PRDM6: variants seen among roughly 807,000 people sequenced by gnomAD.
The protein encoded by PRDM6 is putative histone-lysine N-methyltransferase PRDM6.
PRDM6 carries 25 observed loss-of-function variants against 60.8 expected under a neutral mutation model. That is an observed-to-expected ratio of 0.41 (90% CI 0.30 to 0.57). The LOEUF (loss-of-function observed/expected upper bound fraction) is 0.57. Among genes scored for constraint, PRDM6 ranks in the 20% least tolerant of loss-of-function variants. PRDM6 has a pLI of 0.27. For missense variants in PRDM6, 839 were observed against 821.3 expected (o/e 1.02, Z -0.26); for synonymous variants, 407 against 357.4 (o/e 1.14, Z -1.57).
intron 3 of PRDM6, among the ~76,000 whole-genome samples, chr5:123,134,753 G>A (rs981951565): frequency 1.3e-5 from 2 of 152,142 alleles, no homozygotes; most frequent in East Asian, 1.9e-4. Context: ...TAAACAGTGT[G>A]TGGTTTAGCT....
intron 3 of PRDM6, among the ~76,000 whole-genome samples, chr5:123,119,271 A>G (rs1247187937): frequency 6.6e-6 from 1 of 152,254 alleles, no homozygotes; most frequent in Non-Finnish European, 1.5e-5. Flanking sequence ...GAGTAGGGAA[A>G]AAACAAGATG....
intron 3 of PRDM6, among the ~76,000 whole-genome samples, chr5:123,143,832 A>G (rs1216440375): frequency 3.3e-5 from 5 of 152,190 alleles, no homozygotes; most frequent in Non-Finnish European, 7.3e-5. Context: ...TTAACAACTT[A>G]ATGCTTTTAA....
At chr5:123,174,111 G>GTT (rs904755353) in intron 6 of PRDM6, among the ~76,000 whole-genome samples, 8 of 152,204 alleles carry the variant, frequency 5.3e-5, no homozygotes, top group Non-Finnish European at 1.5e-5. Context: ...GATTTGGGAT[G>GTT]TTTGCATTAT....
At chr5:123,174,143 A>G (rs1453881101) in intron 6 of PRDM6, among the ~76,000 whole-genome samples, 3 of 152,194 alleles carry the variant, frequency 2.0e-5, no homozygotes, top group African/African-American at 7.2e-5. Context: ...TAGCATGCCA[A>G]ATCTGAAAAT....
intron 3 of PRDM6, among the ~76,000 whole-genome samples, chr5:123,138,643 G>T (rs1765025786): frequency 6.6e-6 from 1 of 152,108 alleles, no homozygotes; most frequent in Non-Finnish European, 1.5e-5. Context: ...TGGTAAATTT[G>T]GATTTTTATA....
At chr5:123,146,727 T>C (rs1489823150) in intron 3 of PRDM6, among the ~76,000 whole-genome samples, 1 of 152,208 alleles carries the variant, frequency 6.6e-6, no homozygotes, top group Non-Finnish European at 1.5e-5. Flanking sequence ...TGCCAAGGGC[T>C]GAGGTCTAGT....
At chr5:123,125,618 A>ATAC in intron 3 of PRDM6, among the ~76,000 whole-genome samples, 1 of 152,346 alleles carries the variant, frequency 6.6e-6, no homozygotes. Flanking sequence ...GTAAGCAAGG[A>ATAC]TACTCTTGGC....
rs1345249931 is a variant in PRDM6, at chr5:123,099,606, G to A, written c.593-48G>A. 2.8e-6 allele frequency: 4 copies of A among 1,411,368 alleles called. 1 individual carries two copies. The Admixed American group carries it at 1.2e-4, about 43-fold the overall frequency. 87.4% of individuals were successfully genotyped at this position (1,411,368 alleles called of 1,614,324 possible). A position where few individuals can be genotyped will look rare whatever the true frequency, so the allele number is the denominator to read the frequency against. On this transcript the variant is annotated intron_variant, in intron 2 of 7. Transcript: ENST00000407847. This position sits in a 1 kb window ranked among gnomAD's most constrained non-coding sequence, Gnocchi z 4.0. ...TACTCAAAGATGGGCCGCTCGGGGC[G>A]GCCGGATTAACCCGCTCCCTTCCCT... is the stretch of plus-strand genomic sequence containing the variant.
At chr5:123,128,564 CTTCTT>C (rs1230015158) in intron 3 of PRDM6, among the ~76,000 whole-genome samples, 1 of 152,166 alleles carries the variant, frequency 6.6e-6, no homozygotes, top group Non-Finnish European at 1.5e-5. Flanking sequence ...GCATAAATGT[CTTCTT>C]TTGAGAAGTG....
intron 3 of PRDM6, among the ~76,000 whole-genome samples, chr5:123,144,335 G>T (rs982307514): frequency 6.6e-6 from 1 of 152,192 alleles, no homozygotes; most frequent in Non-Finnish European, 1.5e-5. Flanking sequence ...ACACATTTTC[G>T]AATTCCTTTA....
Position 123,192,465 on chromosome 5 carries a change from A to T in PRDM6, c.*5264A>T, listed in dbSNP as rs1324202161. 6.6e-6 allele frequency: 1 copy of T among 151,334 alleles called. No individual in the cohort carries two copies. Among genetic ancestry groups the T allele is most frequent in the Non-Finnish European group, 1.5e-5 (1 of 67,720 alleles). 9.4% of individuals were successfully genotyped at this position (151,334 alleles called of 1,614,324 possible). A position where few individuals can be genotyped will look rare whatever the true frequency, so the allele number is the denominator to read the frequency against. On this transcript the variant is annotated 3_prime_UTR_variant, in exon 8 of 8. Coordinates refer to ENST00000407847, the MANE Select transcript of PRDM6 (RefSeq NM_001136239.4). Reference sequence around the variant, plus strand: ...TTTATAAAATGTGTTTGTGGAAACAATACTGAAGTGCTATTAAAACACGTA... The same window carrying T: ...TTTATAAAATGTGTTTGTGGAAACATTACTGAAGTGCTATTAAAACACGTA...
intron 3 of PRDM6, among the ~76,000 whole-genome samples, chr5:123,107,548 A>G (rs759088403): frequency 6.6e-6 from 1 of 152,176 alleles, no homozygotes; most frequent in Non-Finnish European, 1.5e-5. Flanking sequence ...AAAGCTAGCC[A>G]TGTGGTTTAT....
intron 3 of PRDM6, among the ~76,000 whole-genome samples, chr5:123,125,058 AAC>A (rs1764661518): frequency 8.4e-6 from 1 of 118,688 alleles, no homozygotes; most frequent in Non-Finnish European, 1.8e-5. Flanking sequence ...GGCAACTTAC[AAC>A]ATTTTTTTTT....
In PRDM6 at chr5:123,090,162, C is replaced by T. The variant is rs1763783389; in HGVS notation, c.148C>T (p.Leu50Phe). ...AAGLLSAPQP[L>F]QPPPPPPPPE... ...GGGTCTCCTGAGCGCGCCGCAGCCTCTTCAGCCGCCGCCGCCGCCCCCGCC... is the reference window on the plus strand; with the variant it reads ...GGGTCTCCTGAGCGCGCCGCAGCCTTTTCAGCCGCCGCCGCCGCCCCCGCC... Residue 50 changes from leucine to phenylalanine, a missense_variant, in exon 2 of 8, where the codon CTT becomes TTT. This residue lies in a region of PRDM6 where 730 missense variants were observed against 648.8 expected (regional missense o/e 1.13). Transcript: ENST00000407847. 6.7e-7 allele frequency: 1 copy of T among 1,501,058 alleles called. No homozygotes were observed. Among genetic ancestry groups the T allele is most frequent in the Non-Finnish European group, 8.9e-7 (1 of 1,127,680 alleles). The allele number at this position is 1,501,058 out of a possible 1,614,324, so 93.0% of individuals were successfully genotyped here. A position where few individuals can be genotyped will look rare whatever the true frequency, so the allele number is the denominator to read the frequency against.
intron 6 of PRDM6, among the ~76,000 whole-genome samples, chr5:123,172,246 AAAT>A (rs2126885041): frequency 6.6e-6 from 1 of 152,274 alleles, no homozygotes; most frequent in South Asian, 2.1e-4. Context: ...ATATTTTGTA[AAAT>A]AATAATAATC....
intron 3 of PRDM6, among the ~76,000 whole-genome samples, chr5:123,137,445 A>C (rs1227107244): frequency 6.6e-6 from 1 of 152,242 alleles, no homozygotes; most frequent in Non-Finnish European, 1.5e-5. Flanking sequence ...CGGCCTTGGA[A>C]GCCAGTGCAG....
chr5:123,131,981 G>A (rs1171081919), intron 3 of PRDM6, among the ~76,000 whole-genome samples: 2 of 152,146 alleles, frequency 1.3e-5, no homozygotes, highest in Admixed American at 6.5e-5. Flanking sequence ...AATAGTATCT[G>A]TTCCATAAAG....
chr5:123,177,752 A>G (rs1766049849), intron 6 of PRDM6, among the ~76,000 whole-genome samples: 1 of 152,164 alleles, frequency 6.6e-6, no homozygotes. Context: ...ACATTTGTCA[A>G]TTACCTGAAA....
intron 6 of PRDM6, among the ~76,000 whole-genome samples, chr5:123,175,063 TTGCTTTTGCTCAAACCAAAAG>T (rs1323095438): frequency 2.0e-5 from 3 of 152,184 alleles, no homozygotes; most frequent in Admixed American, 6.5e-5. Context: ...GTAGCTTTTC[TTGCTTTTGCTCAAACCAAAAG>T]TGCTTTTGCT....
Sources: allele counts gnomAD v4.1 joint callset (sites outside exome capture counted in the v4.1 genomes callset), GRCh38; gene constraint gnomAD v4.1.1; regional missense constraint gnomAD v4.1.1; non-coding constraint Gnocchi (gnomAD v3.1); transcripts MANE v1.5; gene names NCBI Gene and HGNC (gene_info 2026-07-23, HGNC 2026-07-21).